The following PTK2 variants were observed in gnomAD, a reference collection of about 807,000 sequenced individuals.
The protein encoded by PTK2 is focal adhesion kinase 1.
A neutral mutation model predicts 150.1 loss-of-function variants in PTK2; 45 were observed. That is an observed-to-expected ratio of 0.30 (90% CI 0.24 to 0.38). The LOEUF (loss-of-function observed/expected upper bound fraction) is 0.38. PTK2 is among the 10% of genes least tolerant of loss of function. PTK2 has a pLI of 1.00. For missense variants in PTK2, 919 were observed against 1,307.3 expected, an observed-to-expected ratio of 0.70 and a Z score of 4.58; for synonymous variants, 432 against 449.2, an observed-to-expected ratio of 0.96 and a Z score of 0.48.
intron 2 of PTK2, among the ~76,000 whole-genome samples, chr8:140,918,412 T>C (rs1025419914): frequency 6.6e-6 from 1 of 152,242 alleles, no homozygotes; most frequent in Non-Finnish European, 1.5e-5. Context: ...TTTCTGCATT[T>C]GATAGTCTTG....
intron 1 of PTK2, among the ~76,000 whole-genome samples, chr8:140,934,087 CAAAT>C (rs1252588023): frequency 6.6e-6 from 1 of 151,984 alleles, no homozygotes; most frequent in Non-Finnish European, 1.5e-5. Context: ...AAAAGAAACA[CAAAT>C]AAATAACTAA....
intron 4 of PTK2, among the ~76,000 whole-genome samples, chr8:140,871,647 A>C (rs1026070598): frequency 1.3e-4 from 20 of 152,220 alleles, no homozygotes; most frequent in African/African-American, 4.8e-4. Context: ...AAAATAAAAT[A>C]AAATCAGCCA....
intron 2 of PTK2, among the ~76,000 whole-genome samples, chr8:140,894,833 A>G (rs1461189226): frequency 6.6e-6 from 1 of 152,212 alleles, no homozygotes; most frequent in African/African-American, 2.4e-5. Context: ...GTATACATGA[A>G]TACACCCTTA....
chr8:140,891,967 A>G (rs1312165418), intron 2 of PTK2, among the ~76,000 whole-genome samples: 3 of 152,158 alleles, frequency 2.0e-5, no homozygotes, highest in African/African-American at 7.2e-5. Flanking sequence ...GCACTTTGGA[A>G]GGCTGAGGCG....
chr8:140,957,976 A>G (rs1364813681), intron 1 of PTK2, among the ~76,000 whole-genome samples: 3 of 152,224 alleles, frequency 2.0e-5, no homozygotes, highest in Non-Finnish European at 1.5e-5. Context: ...ACAGTGATAG[A>G]TTTTATTTCA....
intron 4 of PTK2, among the ~76,000 whole-genome samples, chr8:140,877,915 T>C (rs779895425): frequency 1.6e-4 from 24 of 152,174 alleles, no homozygotes; most frequent in Non-Finnish European, 3.2e-4. Context: ...GATTTCATTA[T>C]AACAAAGTCT....
At chr8:140,924,604 C>T (rs769764097) in intron 2 of PTK2, among the ~76,000 whole-genome samples, 6 of 152,154 alleles carry the variant, frequency 3.9e-5, no homozygotes, top group Admixed American at 1.3e-4. Flanking sequence ...ACGTCAGTGA[C>T]AGTATGGCTG....
Position 140,812,845 on chromosome 8 carries a change from A to G in PTK2, c.867+5432T>C, listed in dbSNP as rs548804157. Among the ~76,000 whole-genome samples the G allele has an allele frequency of 3.8e-4, 58 of 152,338 alleles. 1 individual carries two copies. The highest frequency in any genetic ancestry group is 1.3e-3 in the African/African-American group (56 of 41,578). ...GAGAAGGCCTAACTATCCTAAATAT[A>G]TAAAAAAACCAAACAGCAGCACTCA... On this transcript the variant is annotated intron_variant, in intron 10 of 31. Transcript: ENST00000522684.
rs565469509 is a variant in PTK2 at position 140,938,558 on chromosome 8, T to G, written c.-121-12809A>C. ...GTGTTTAGTACTTCTTTCTTTAGAATCCCAACCAGCCCCATCTCAGGATAA... is the reference window on the plus strand; with the variant it reads ...GTGTTTAGTACTTCTTTCTTTAGAAGCCCAACCAGCCCCATCTCAGGATAA... On this transcript the variant is annotated intron_variant, in intron 1 of 31. Transcript: ENST00000522684. Among the ~76,000 whole-genome samples, 9 of 152,294 alleles carry G rather than the reference T, an allele frequency of 5.9e-5. No individual in the cohort carries two copies. In the South Asian group the frequency reaches 1.7e-3, roughly 28 times the overall value.
chr8:140,873,981 T>C (rs141412149), intron 4 of PTK2, among the ~76,000 whole-genome samples: 1 of 152,360 alleles, frequency 6.6e-6, no homozygotes, highest in East Asian at 1.9e-4. Flanking sequence ...GGGCCAGAGA[T>C]ACATTCAACT....
chr8:140,696,709 A>G (rs896268325), intron 26 of PTK2, among the ~76,000 whole-genome samples: 17 of 152,302 alleles, frequency 1.1e-4, no homozygotes, highest in African/African-American at 4.1e-4. Context: ...ATGAGTTAAA[A>G]AACACTCATT....
intron 10 of PTK2, among the ~76,000 whole-genome samples, chr8:140,811,356 A>T: frequency 6.6e-6 from 1 of 152,166 alleles, no homozygotes; most frequent in East Asian, 1.9e-4. Flanking sequence ...AGTCCACCTT[A>T]CCACAATCAA....
At chr8:140,839,208 G>A (rs2100120783) in intron 7 of PTK2, among the ~76,000 whole-genome samples, 1 of 152,140 alleles carries the variant, frequency 6.6e-6, no homozygotes, top group Non-Finnish European at 1.5e-5. Context: ...GACGGTACCT[G>A]CAAGGTGGGG....
intron 1 of PTK2, among the ~76,000 whole-genome samples, chr8:140,991,312 G>C (rs1569546239): frequency 6.6e-6 from 1 of 152,050 alleles, no homozygotes; most frequent in Non-Finnish European, 1.5e-5. Context: ...AACCACCAGG[G>C]AGCTTGTGCC....
At chr8:140,797,806 CCTTTT>C (rs1485981506) in intron 12 of PTK2, among the ~76,000 whole-genome samples, 1 of 152,076 alleles carries the variant, frequency 6.6e-6, no homozygotes, top group African/African-American at 2.4e-5. Flanking sequence ...AGGAAAATCA[CCTTTT>C]ATTTTTATTT....
intron 1 of PTK2, among the ~76,000 whole-genome samples, chr8:140,993,066 G>A: frequency 6.6e-6 from 1 of 152,152 alleles, no homozygotes; most frequent in East Asian, 1.9e-4. Context: ...CTTAGGATGA[G>A]TCCCAATCAA....
At chr8:140,805,368 G>A (rs911171225) in intron 10 of PTK2, among the ~76,000 whole-genome samples, 3 of 151,916 alleles carry the variant, frequency 2.0e-5, no homozygotes, top group African/African-American at 7.3e-5. Flanking sequence ...AGACCACCCT[G>A]GCCAACATGG....
intron 23 of PTK2, among the ~76,000 whole-genome samples, chr8:140,706,961 A>G (rs1564784727): frequency 6.6e-6 from 1 of 152,258 alleles, no homozygotes; most frequent in Non-Finnish European, 1.5e-5. Context: ...CATGTCCGTC[A>G]ACTGATATAA....
chr8:140,803,077 T>A (rs1424240099), intron 11 of PTK2, among the ~76,000 whole-genome samples: 1 of 147,272 alleles, frequency 6.8e-6, no homozygotes, highest in Non-Finnish European at 1.5e-5. Context: ...TGCAGTTGTG[T>A]CATCTCAGCT....
Sources: gnomAD v4.1 joint callset for allele counts (sites outside exome capture counted in the v4.1 genomes callset) on GRCh38, gnomAD v4.1.1 for gene constraint, MANE v1.5 for transcripts, NCBI Gene and HGNC (gene_info 2026-07-23, HGNC 2026-07-21) for gene names.